The following SERPINI1 variants were observed in gnomAD, a reference collection of about 807,000 sequenced individuals.
The protein encoded by SERPINI1 is serpin family I member 1.
In SERPINI1, 19 loss-of-function variants were observed where a neutral mutation model predicts 41.1. That is an observed-to-expected ratio of 0.46 (90% confidence interval 0.32 to 0.68). SERPINI1 has a LOEUF of 0.68. Among genes scored for constraint, SERPINI1 ranks in the 30% least tolerant of loss-of-function variants. The pLI is 0.03. For synonymous variants in SERPINI1, 138 were observed against 156.6 expected, an observed-to-expected ratio of 0.88 and a Z score of 0.89; for missense variants, 460 against 479.2, an observed-to-expected ratio of 0.96 and a Z score of 0.37.
intron 6 of SERPINI1, among the ~76,000 whole-genome samples, chr3:167,822,497 C>A (rs1712367956): frequency 6.6e-6 from 1 of 152,090 alleles, no homozygotes. Flanking sequence ...CATAAATTTA[C>A]ATTATGAATC....
intron 1 of SERPINI1, among the ~76,000 whole-genome samples, chr3:167,752,650 CTT>C (rs1265687616): frequency 6.6e-6 from 1 of 152,002 alleles, no homozygotes; most frequent in African/African-American, 2.4e-5. Context: ...TCCTGTATAA[CTT>C]TATAAATTAT....
At chr3:167,750,995 C>CT (rs1186793609) in intron 1 of SERPINI1, among the ~76,000 whole-genome samples, 1 of 151,946 alleles carries the variant, frequency 6.6e-6, no homozygotes, top group East Asian at 1.9e-4. Flanking sequence ...TATAAAAACT[C>CT]TAACTTCAGA....
intron 1 of SERPINI1, among the ~76,000 whole-genome samples, chr3:167,740,610 CA>C (rs772125825): frequency 3.3e-5 from 5 of 152,182 alleles, no homozygotes; most frequent in Non-Finnish European, 5.9e-5. Context: ...AGCCCTCTGC[CA>C]ACAACGGTTG....
At chr3:167,803,016 C>G in intron 5 of SERPINI1, among the ~76,000 whole-genome samples, 1 of 151,724 alleles carries the variant, frequency 6.6e-6, no homozygotes, top group South Asian at 2.1e-4. Flanking sequence ...TCTCAGTAAA[C>G]TATCGCAAGA....
Position 167,778,536 on chromosome 3 carries a change from C to T in SERPINI1, c.-18-10575C>T, listed in dbSNP as rs781759180. 3.3e-5 allele frequency among the ~76,000 whole-genome samples: 5 copies of T among 152,202 alleles called. No individual in the cohort carries two copies. In the Middle Eastern group the frequency reaches 0.01, roughly 311 times the overall value. ...GATCACAGGACCAGTTGGGTCCGTT[C>T]GTTTGTGTGAATCACTGATCTGGGT... On this transcript the variant is annotated intron_variant, in intron 1 of 8. Coordinates refer to ENST00000446050, the MANE Select transcript of SERPINI1 (RefSeq NM_001122752.2).
intron 1 of SERPINI1, among the ~76,000 whole-genome samples, chr3:167,768,442 G>A (rs563942211): frequency 1.3e-5 from 2 of 152,186 alleles, no homozygotes; most frequent in African/African-American, 4.8e-5. Context: ...TAACTTTATT[G>A]TGGCGACCTG....
intron 1 of SERPINI1, among the ~76,000 whole-genome samples, chr3:167,745,466 A>G (rs999084395): frequency 6.6e-6 from 1 of 152,046 alleles, no homozygotes; most frequent in East Asian, 1.9e-4. Flanking sequence ...CATAGCTAAC[A>G]TTTGGTAGTG....
rs1577420768 is a variant in SERPINI1, at chr3:167,792,860, A to T, written c.676+76A>T. On this transcript the variant is annotated intron_variant, in intron 4 of 8. Coordinates refer to ENST00000446050, the MANE Select transcript of SERPINI1 (RefSeq NM_001122752.2). ...TTTCTAAGAAAAACATGAAGCATTC[A>T]TATTCAAACTCCTTGTCAATCTAAT... 2.9e-5 allele frequency: 36 copies of T among 1,246,440 alleles called. No homozygotes were observed. In the East Asian group the frequency reaches 8.4e-4, roughly 29 times the overall value. 77.2% of individuals were successfully genotyped at this position (1,246,440 alleles called of 1,614,324 possible). A position where few individuals can be genotyped will look rare whatever the true frequency, so the allele number is the denominator to read the frequency against.
chr3:167,770,056 C>A (rs1393296799), intron 1 of SERPINI1, among the ~76,000 whole-genome samples: 1 of 138,238 alleles, frequency 7.2e-6, no homozygotes, highest in Non-Finnish European at 1.5e-5. Context: ...ATGCCTAGGT[C>A]TTTGTCACAC....
chr3:167,755,767 AGCTATTAAAACAAGTAGGTGTT>A (rs1726173648), intron 1 of SERPINI1, among the ~76,000 whole-genome samples: 2 of 148,920 alleles, frequency 1.3e-5, no homozygotes. Context: ...CTATATTATT[AGCTATTAAAACAAGTAGGTGTT>A]GCTGATTTTT....
At chr3:167,759,048 G>T (rs1298983524) in intron 1 of SERPINI1, among the ~76,000 whole-genome samples, 1 of 152,110 alleles carries the variant, frequency 6.6e-6, no homozygotes, top group African/African-American at 2.4e-5. Flanking sequence ...TTGTTTCAGT[G>T]ACTTGCCCAA....
At chr3:167,795,885 G>A (rs984828759) in intron 5 of SERPINI1, among the ~76,000 whole-genome samples, 10 of 152,072 alleles carry the variant, frequency 6.6e-5, no homozygotes, top group East Asian at 1.9e-4. Context: ...ATGTTTATTA[G>A]CATACTATGT....
At chr3:167,797,605 C>G (rs1727755926) in intron 5 of SERPINI1, among the ~76,000 whole-genome samples, 1 of 152,022 alleles carries the variant, frequency 6.6e-6, no homozygotes, top group Admixed American at 6.6e-5. Context: ...ATACAAAAGT[C>G]AAGGCAATCA....
rs113355161 is a variant in SERPINI1, at chr3:167,741,399, G to C, written c.-19+5576G>C. ...CAATTCAATGAGTACCTATCAACTT[G>C]TAGTCCACTCCTAGCATCTTGGCTT... On this transcript the variant is annotated intron_variant, in intron 1 of 8. Transcript: ENST00000446050. 4.1e-3 allele frequency among the ~76,000 whole-genome samples: 626 copies of C among 152,224 alleles called. 3 individuals carry two copies. Among genetic ancestry groups the C allele is most frequent in the Admixed American group, 7.3e-3 (111 of 15,294 alleles).
At chr3:167,808,479 A>G (rs1711741012) in intron 6 of SERPINI1, among the ~76,000 whole-genome samples, 1 of 152,202 alleles carries the variant, frequency 6.6e-6, no homozygotes, top group African/African-American at 2.4e-5. Context: ...AAATAAAAAT[A>G]CAATCTGTTT....
chr3:167,773,364 A>T (rs1319370239), intron 1 of SERPINI1, among the ~76,000 whole-genome samples: 5 of 152,198 alleles, frequency 3.3e-5, no homozygotes, highest in African/African-American at 1.2e-4. Context: ...CTCCGAAAAT[A>T]AGAGTGGTCG....
At chr3:167,812,266 C>T (rs1416645713) in intron 6 of SERPINI1, among the ~76,000 whole-genome samples, 1 of 152,168 alleles carries the variant, frequency 6.6e-6, no homozygotes, top group African/African-American at 2.4e-5. Context: ...TGTTCAAAGC[C>T]AGCCTTCAGT....
At chr3:167,795,761 C>A (rs1243362366) in intron 5 of SERPINI1, among the ~76,000 whole-genome samples, 1 of 152,058 alleles carries the variant, frequency 6.6e-6, no homozygotes, top group East Asian at 1.9e-4. Context: ...GTTTTCCTTC[C>A]TGTAGAAAGA....
chr3:167,754,320 T>G (rs1726132037), intron 1 of SERPINI1, among the ~76,000 whole-genome samples: 1 of 152,310 alleles, frequency 6.6e-6, no homozygotes, highest in South Asian at 2.1e-4. Flanking sequence ...AGATGCATCT[T>G]CAGCAACTGG....
Sources: gnomAD v4.1 joint callset for allele counts (sites outside exome capture counted in the v4.1 genomes callset) on GRCh38, gnomAD v4.1.1 for gene constraint, MANE v1.5 for transcripts, NCBI Gene and HGNC (gene_info 2026-07-23, HGNC 2026-07-21) for gene names.